The following SELENOF variants were observed in gnomAD, a reference collection of about 807,000 sequenced individuals.
The protein encoded by SELENOF is 15 kDa selenoprotein.
Under a neutral mutation model 20.5 loss-of-function variants are expected in SELENOF, and 16 were observed. The observed-to-expected ratio is 0.78, with a 90% confidence interval of 0.53 to 1.19. SELENOF has a LOEUF of 1.19. Ranked by LOEUF, SELENOF falls within the 50% of genes most tolerant of loss-of-function variation. The pLI is 0.00. For synonymous variants in SELENOF, 78 were observed against 74.5 expected, an observed-to-expected ratio of 1.05 and a Z score of -0.24; for missense variants, 215 against 194.2, an observed-to-expected ratio of 1.11 and a Z score of -0.64.
intron 2 of SELENOF, among the ~76,000 whole-genome samples, chr1:86,885,711 C>T (rs1054798608): frequency 5.9e-5 from 9 of 152,228 alleles, no homozygotes; most frequent in East Asian, 5.8e-4. Context: ...AATTTTCATA[C>T]GGCATGGTAT....
rs1046304510 is a variant in SELENOF at position 86,865,707 on chromosome 1, T to C, written c.367-2102A>G. 3.3e-5 allele frequency among the ~76,000 whole-genome samples: 5 copies of C among 152,118 alleles called. No individual in the cohort carries two copies. In the South Asian group the frequency reaches 1.0e-3, roughly 32 times the overall value. ...ATGGTGAAGTCATTACGGAAAACAGTATAGAGGTTCCTCAAAAAATTAAAA... is the reference window on the plus strand; with the variant it reads ...ATGGTGAAGTCATTACGGAAAACAGCATAGAGGTTCCTCAAAAAATTAAAA... On this transcript the variant is annotated intron_variant, in intron 4 of 4. Coordinates refer to ENST00000331835, the MANE Select transcript of SELENOF (RefSeq NM_004261.5).
intron 2 of SELENOF, among the ~76,000 whole-genome samples, chr1:86,890,244 T>G (rs1645925469): frequency 6.6e-6 from 1 of 152,158 alleles, no homozygotes; most frequent in South Asian, 2.1e-4. Flanking sequence ...TCTCAACCAT[T>G]TGCCTACTTA....
intron 3 of SELENOF, among the ~76,000 whole-genome samples, chr1:86,880,075 C>G (rs2102087022): frequency 6.6e-6 from 1 of 152,056 alleles, no homozygotes; most frequent in African/African-American, 2.4e-5. Flanking sequence ...TCCCACCCGG[C>G]AAAGGAAAGG....
chr1:86,891,207 G>A (rs929043559), intron 2 of SELENOF, among the ~76,000 whole-genome samples: 1 of 151,852 alleles, frequency 6.6e-6, no homozygotes, highest in Non-Finnish European at 1.5e-5. Flanking sequence ...GTGCCACCAC[G>A]CCTGGCTAAT....
chr1:86,900,564 A>T (rs1659672792), intron 2 of SELENOF, among the ~76,000 whole-genome samples: 1 of 152,200 alleles, frequency 6.6e-6, no homozygotes, highest in Non-Finnish European at 1.5e-5. Context: ...GCTCGGCATC[A>T]GAGGGAGACC....
At chr1:86,889,828 A>C (rs1292911555) in intron 2 of SELENOF, among the ~76,000 whole-genome samples, 1 of 152,122 alleles carries the variant, frequency 6.6e-6, no homozygotes, top group Non-Finnish European at 1.5e-5. Flanking sequence ...AAATCCAAAT[A>C]AATAAATTTA....
chr1:86,909,629 G>A (rs1570410204), intron 1 of SELENOF, among the ~76,000 whole-genome samples: 1 of 152,186 alleles, frequency 6.6e-6, no homozygotes, highest in African/African-American at 2.4e-5. Context: ...GGGGACAGGA[G>A]GAGTGGAGGG....
chr1:86,901,022 A>G (rs1659690820), intron 2 of SELENOF, among the ~76,000 whole-genome samples: 1 of 152,132 alleles, frequency 6.6e-6, no homozygotes, highest in East Asian at 1.9e-4. Context: ...GCTCCTGAGT[A>G]GCTGGTACTA....
chr1:86,867,497 C>T (rs1297861951), intron 4 of SELENOF, among the ~76,000 whole-genome samples: 1 of 150,478 alleles, frequency 6.6e-6, no homozygotes, highest in Non-Finnish European at 1.5e-5. Context: ...GTCTCAACAA[C>T]AACAACAACA....
chr1:86,910,815 T>C (rs571235677), intron 1 of SELENOF, among the ~76,000 whole-genome samples: 1 of 152,338 alleles, frequency 6.6e-6, no homozygotes, highest in Non-Finnish European at 1.5e-5. Flanking sequence ...ACATGTATTT[T>C]TTAATCTCTC....
rs1398451169 is a variant in SELENOF at position 86,863,234 on chromosome 1, A to G, written c.*240T>C. The G allele has an allele frequency of 2.7e-6, 1 of 373,036 alleles. No individual in the cohort carries two copies. The highest frequency in any genetic ancestry group is 4.8e-6 in the Non-Finnish European group (1 of 208,148). The allele number at this position is 373,036 out of a possible 1,614,324, so 23.1% of individuals were successfully genotyped here. On this transcript the variant is annotated 3_prime_UTR_variant, in exon 5 of 5. Coordinates refer to ENST00000331835, the MANE Select transcript of SELENOF (RefSeq NM_004261.5). ...ATTAACCGCAAGTCTGTTACAAAGC[A>G]TTTTGTTAGTGGTATCAACAAATGC...
At chr1:86,867,126 A>T (rs1658620697) in intron 4 of SELENOF, among the ~76,000 whole-genome samples, 2 of 152,208 alleles carry the variant, frequency 1.3e-5, no homozygotes, top group South Asian at 4.1e-4. Flanking sequence ...CAATCTGAAA[A>T]GGCTACATAT....
chr1:86,897,540 T>C (rs141530911), intron 2 of SELENOF, among the ~76,000 whole-genome samples: 6 of 152,218 alleles, frequency 3.9e-5, no homozygotes, highest in African/African-American at 1.2e-4. Flanking sequence ...AATTGAGGAA[T>C]AAAGATATAA....
chr1:86,876,564 T>A (rs968221829), intron 3 of SELENOF, among the ~76,000 whole-genome samples: 3 of 152,230 alleles, frequency 2.0e-5, no homozygotes, highest in Non-Finnish European at 2.9e-5. Flanking sequence ...AAATGTCCCA[T>A]GGAAGTAAAA....
chr1:86,913,892 T>A (rs1660058492), intron 1 of SELENOF, 136 bp downstream of exon 1: 1 of 762,270 alleles, frequency 1.3e-6, no homozygotes, highest in Non-Finnish European at 2.2e-6. Context: ...TAAGCCACGT[T>A]GCATTCTGGC....
intron 2 of SELENOF, among the ~76,000 whole-genome samples, chr1:86,890,720 G>A (rs183221516): frequency 4.4e-4 from 66 of 151,660 alleles, no homozygotes; most frequent in Non-Finnish European, 7.4e-4. Flanking sequence ...TGCCCAGGCT[G>A]GTCTCAAACT....
chr1:86,914,063 C>T lies in SELENOF; in HGVS notation c.49G>A (p.Gly17Arg). The T allele has an allele frequency of 6.2e-7, 1 of 1,613,960 alleles. No homozygotes were observed. The highest frequency in any genetic ancestry group is 8.5e-7 in the Non-Finnish European group (1 of 1,179,888). The change falls in exon 1 of 5, where the codon GGG (glycine) becomes AGG (arginine). Residue 17 changes from glycine (G) to arginine (R), a missense_variant. Coordinates refer to ENST00000331835, the MANE Select transcript of SELENOF (RefSeq NM_004261.5). ...ACAGTCGCCAACAACAACCGTAGCC[C>T]AAACGCCGGCACCAGACACCCACTC... ...GPSGCLVPAFGLRLLLATVLQ... is the reference protein window; with the variant it reads ...GPSGCLVPAFRLRLLLATVLQ...
chr1:86,889,623 A>AC (rs1266272955), intron 2 of SELENOF, among the ~76,000 whole-genome samples: 5 of 152,054 alleles, frequency 3.3e-5, no homozygotes, highest in Non-Finnish European at 7.4e-5. Context: ...AACAACAACA[A>AC]AAAAACTATT....
intron 2 of SELENOF, among the ~76,000 whole-genome samples, chr1:86,895,319 C>T (rs1473602940): frequency 6.6e-6 from 1 of 152,124 alleles, no homozygotes; most frequent in Non-Finnish European, 1.5e-5. Context: ...CTGAGTTCTC[C>T]AAATTTTCTG....
Sources: allele counts gnomAD v4.1 joint callset (sites outside exome capture counted in the v4.1 genomes callset), GRCh38; gene constraint gnomAD v4.1.1; transcripts MANE v1.5; gene names NCBI Gene and HGNC (gene_info 2026-07-23, HGNC 2026-07-21).